CPXM2: variants seen among roughly 807,000 people sequenced by gnomAD.
CPXM2 encodes the protein carboxypeptidase X, M14 family member 2, also known as inactive carboxypeptidase-like protein X2.
A neutral mutation model predicts 86.1 loss-of-function variants in CPXM2; 66 were observed. That is an observed-to-expected ratio of 0.77 (90% CI 0.63 to 0.94). CPXM2 has a LOEUF of 0.94. CPXM2 is among the 40% of genes least tolerant of loss of function. The probability of loss-of-function intolerance (pLI) is 0.00; values close to 1 mark genes in which losing one functional copy is unlikely to be tolerated. For missense variants in CPXM2, 948 were observed against 1,026.3 expected (o/e 0.92, Z 1.04); for synonymous variants, 388 against 400.2 (o/e 0.97, Z 0.36).
chr10:123,875,714 A>C (rs1944970823), intron 2 of CPXM2, among the ~76,000 whole-genome samples: 1 of 151,506 alleles, frequency 6.6e-6, no homozygotes, highest in Non-Finnish European at 1.5e-5. Context: ...GGCATGAGGG[A>C]GATGCGTCAA....
intron 2 of CPXM2, among the ~76,000 whole-genome samples, chr10:123,909,246 A>G (rs1229757604): frequency 6.6e-6 from 1 of 152,174 alleles, no homozygotes; most frequent in Non-Finnish European, 1.5e-5. Flanking sequence ...AAAGTACACT[A>G]CCAGCCCACA....
At chr10:123,829,333 C>T (rs6599624) in intron 4 of CPXM2, among the ~76,000 whole-genome samples, 56,234 of 151,754 alleles carry the variant, frequency 0.37, 12,847 homozygotes, top group African/African-American at 0.65. Flanking sequence ...AAACTGAATA[C>T]GCAATGAACA....
intron 2 of CPXM2, among the ~76,000 whole-genome samples, chr10:123,901,429 TTGTGTGTGTGTGTGTGTGTGTGTGTGTG>T (rs3069582): frequency 7.2e-6 from 1 of 138,956 alleles, no homozygotes. Context: ...CCAAGCAAGT[TTGTGTGTGTGTGTGTGTGTGTGTGTGTG>T]TGTGTGTGTG....
chr10:123,934,037 T>C (rs942170636), intron 2 of CPXM2, among the ~76,000 whole-genome samples: 1 of 152,154 alleles, frequency 6.6e-6, no homozygotes, highest in African/African-American at 2.4e-5. Flanking sequence ...TTAGGGCTGC[T>C]CCTGGAGCCG....
In CPXM2 at chr10:123,768,792, T is replaced by C. The variant is rs539700603; in HGVS notation, c.1103-70A>G. ...TTAGGGCCAAACGGTGCTTGTCACA[T>C]TGTGTTGGGGGGAAAGTCTTGAATA... is the stretch of plus-strand genomic sequence containing the variant. On this transcript the variant is annotated intron_variant, in intron 8 of 13. Coordinates refer to ENST00000241305, the MANE Select transcript of CPXM2 (RefSeq NM_198148.3). 1.5e-5 allele frequency: 20 copies of C among 1,361,838 alleles called. No homozygotes were observed. In the African/African-American group the frequency reaches 2.4e-4, roughly 17 times the overall value. The allele number at this position is 1,361,838 out of a possible 1,614,324, so 84.4% of individuals were successfully genotyped here. A position where few individuals can be genotyped will look rare whatever the true frequency, so the allele number is the denominator to read the frequency against.
chr10:123,809,508 AC>A (rs1476075195), intron 4 of CPXM2, among the ~76,000 whole-genome samples: 1 of 152,122 alleles, frequency 6.6e-6, no homozygotes, highest in African/African-American at 2.4e-5. Flanking sequence ...GCCAGGTCCC[AC>A]TCTAAGATAT....
intron 8 of CPXM2, among the ~76,000 whole-genome samples, chr10:123,770,277 AAAAC>A (rs541321180): frequency 6.6e-5 from 10 of 152,200 alleles, no homozygotes; most frequent in Non-Finnish European, 7.3e-5. Flanking sequence ...TCCATCTCAA[AAAAC>A]AAACAAACAA....
intron 2 of CPXM2, among the ~76,000 whole-genome samples, chr10:123,919,334 C>T (rs558477688): frequency 6.6e-6 from 1 of 152,348 alleles, no homozygotes; most frequent in African/African-American, 2.4e-5. Context: ...AAGATTTTAA[C>T]AGTGCCCATA....
chr10:123,884,471 T>C (rs954145492), intron 1 of CPXM2, among the ~76,000 whole-genome samples: 2 of 152,176 alleles, frequency 1.3e-5, no homozygotes, highest in South Asian at 2.1e-4. Flanking sequence ...CCTGCACCCT[T>C]ATCCAATTCT....
rs183913857 is a variant in CPXM2, at chr10:123,800,656, C to A, written c.654-1457G>T. ...GAGAGAGGTGATGAATGTAGGAAAC[C>A]CCTCGGTCAAGAGAAGCACAAGACA... On this transcript the variant is annotated intron_variant, in intron 4 of 13. Transcript: ENST00000241305. 3.7e-3 allele frequency among the ~76,000 whole-genome samples: 560 copies of A among 151,758 alleles called. 2 individuals carry two copies. Among genetic ancestry groups the A allele is most frequent in the Non-Finnish European group, 4.8e-3 (323 of 67,972 alleles).
chr10:123,752,069 C>G (rs992304632), intron 13 of CPXM2: 1 of 985,120 alleles, frequency 1.0e-6, no homozygotes, highest in Non-Finnish European at 1.2e-6. Flanking sequence ...AAGGAATGTT[C>G]TAGGCTCTTT....
At chr10:123,907,923 A>C (rs1192089144) in intron 2 of CPXM2, among the ~76,000 whole-genome samples, 1 of 152,080 alleles carries the variant, frequency 6.6e-6, no homozygotes, top group African/African-American at 2.4e-5. Flanking sequence ...AAGAGAGGGG[A>C]AGCAGGAGGA....
Position 123,746,820 on chromosome 10 carries a change from T to C in CPXM2, c.2215A>G (p.Ser739Gly). 1 of 1,614,232 alleles carries C rather than the reference T, an allele frequency of 6.2e-7. No individual in the cohort carries two copies. The highest frequency in any genetic ancestry group is 8.5e-7 in the Non-Finnish European group (1 of 1,180,036). Residue 739 changes from serine to glycine, a missense_variant, in exon 14 of 14, where the codon AGC becomes GGC. Physicochemically the swap from Ser to Gly is moderately conservative, Grantham distance 56. Coordinates refer to ENST00000241305, the MANE Select transcript of CPXM2 (RefSeq NM_198148.3). The stretch of plus-strand genomic sequence containing the variant: ...AGCTTCAGCCGCCTGGCTGGCAGGC[T>C]GACGGGCTGCTTCCCAAACTTCTCC... ...IMEKFGKQPV[S>G]LPARRLKLRG... is the part of the protein sequence containing the mutation.
intron 7 of CPXM2, among the ~76,000 whole-genome samples, chr10:123,774,303 C>G (rs996491777): frequency 6.6e-6 from 1 of 152,098 alleles, no homozygotes; most frequent in Non-Finnish European, 1.5e-5. Flanking sequence ...AGCGGGGTGG[C>G]GTGGAACTGA....
At chr10:123,849,357 T>G (rs6599626) in intron 3 of CPXM2, among the ~76,000 whole-genome samples, 40,228 of 151,786 alleles carry the variant, frequency 0.27, 5,637 homozygotes, top group Middle Eastern at 0.42. Context: ...AATCATTATT[T>G]CTACTTCCTG....
chr10:123,862,873 T>C, intron 2 of CPXM2, 150 bp from the exon 3 acceptor site: 1 of 677,840 alleles, frequency 1.5e-6, no homozygotes, highest in Non-Finnish European at 2.6e-6. Flanking sequence ...TTGATTGAAC[T>C]GTCAACATTA....
intron 2 of CPXM2, among the ~76,000 whole-genome samples, chr10:123,903,679 G>A (rs910728069): frequency 6.6e-6 from 1 of 152,254 alleles, no homozygotes; most frequent in African/African-American, 2.4e-5. Flanking sequence ...TCACACTGGT[G>A]GAGTCCTGAG....
At chr10:123,933,249 C>T (rs930812289) in intron 2 of CPXM2, among the ~76,000 whole-genome samples, 1 of 152,194 alleles carries the variant, frequency 6.6e-6, no homozygotes, top group African/African-American at 2.4e-5. Flanking sequence ...CTGCACTGAC[C>T]ACCAAACTTC....
chr10:123,918,294 T>C (rs1945551066), intron 2 of CPXM2, among the ~76,000 whole-genome samples: 1 of 152,208 alleles, frequency 6.6e-6, no homozygotes, highest in Admixed American at 6.5e-5. Flanking sequence ...TGAAATATTA[T>C]GCAGCCATGA....
Sources: gnomAD v4.1 joint callset for allele counts (sites outside exome capture counted in the v4.1 genomes callset) on GRCh38, gnomAD v4.1.1 for gene constraint, MANE v1.5 for transcripts, NCBI Gene and HGNC (gene_info 2026-07-23, HGNC 2026-07-21) for gene names.